Variants in CWH43 observed in about 807,000 individuals in gnomAD.
The protein encoded by CWH43 is PGAP2-interacting protein.
Under a neutral mutation model 85.7 loss-of-function variants are expected in CWH43, and 91 were observed. The ratio of observed to expected loss-of-function variants is 1.06; its 90% confidence interval spans 0.90 to 1.26. The LOEUF (loss-of-function observed/expected upper bound fraction) is 1.26. CWH43 is among the 50% of genes most tolerant of loss of function. CWH43 has a pLI of 0.00. For synonymous variants in CWH43, 323 were observed against 293.6 expected, an observed-to-expected ratio of 1.10 and a Z score of -1.02; for missense variants, 869 against 839.2, an observed-to-expected ratio of 1.04 and a Z score of -0.44.
rs577001644 is a variant in CWH43 at position 48,995,827 on chromosome 4, A to AT, written c.713+1013dup. ...CATCTGCCTTAGTGGAGTCCTCACC[A>AT]TTTTTTCATTCAGGCTATTACTGTT... On this transcript the variant is annotated intron_variant, in intron 5 of 15. Transcript: ENST00000226432. 3.7e-3 allele frequency among the ~76,000 whole-genome samples: 561 copies of AT among 151,946 alleles called. 12 individuals carry two copies. Among genetic ancestry groups the AT allele is most frequent in the Non-Finnish European group, 1.8e-3 (123 of 67,942 alleles).
chr4:49,008,788 T>C (rs1007250198), intron 8 of CWH43, among the ~76,000 whole-genome samples: 1 of 152,162 alleles, frequency 6.6e-6, no homozygotes, highest in Admixed American at 6.6e-5. Context: ...TGGTTGTAGA[T>C]GTGAGGTGTT....
chr4:48,987,696 C>T (rs772561403), intron 1 of CWH43, among the ~76,000 whole-genome samples: 1 of 152,128 alleles, frequency 6.6e-6, no homozygotes, highest in East Asian at 1.9e-4. Context: ...GTGCCCATAG[C>T]GTTAATTATC....
rs1782753460 is a variant in CWH43, at chr4:48,994,609, T to G, written c.512-10T>G. The stretch of plus-strand genomic sequence containing the variant: ...TAAACTTTTTCCATATATGTATTTT[T>G]AAATTCTAGATGGTGACTGCAGTAA... On this transcript the variant is annotated splice_polypyrimidine_tract_variant and intron_variant, in intron 4 of 15. Coordinates refer to ENST00000226432, the MANE Select transcript of CWH43 (RefSeq NM_025087.3). The G allele has an allele frequency of 6.2e-7, 1 of 1,603,932 alleles. No homozygotes were observed. Among genetic ancestry groups the G allele is most frequent in the Non-Finnish European group, 8.5e-7 (1 of 1,176,742 alleles).
At chr4:48,993,575 G>A (rs1473394436) in intron 4 of CWH43, among the ~76,000 whole-genome samples, 4 of 152,210 alleles carry the variant, frequency 2.6e-5, no homozygotes, top group African/African-American at 9.7e-5. Context: ...CTACGAAGAA[G>A]TCCTCCTGCT....
At chr4:49,040,000 G>GT (rs1216047550) in intron 13 of CWH43, among the ~76,000 whole-genome samples, 4 of 151,992 alleles carry the variant, frequency 2.6e-5, no homozygotes, top group East Asian at 1.9e-4. Flanking sequence ...GCGGTGTTTG[G>GT]TTTTTTCTCC....
At chr4:49,009,322 T>C (rs1046957956) in intron 8 of CWH43, among the ~76,000 whole-genome samples, 7 of 152,212 alleles carry the variant, frequency 4.6e-5, no homozygotes, top group Non-Finnish European at 1.0e-4. Flanking sequence ...TGCACACTGA[T>C]TTTGTATCCT....
At chr4:49,027,975 T>C (rs1443665949) in intron 9 of CWH43, among the ~76,000 whole-genome samples, 1 of 152,126 alleles carries the variant, frequency 6.6e-6, no homozygotes, top group African/African-American at 2.4e-5. Context: ...GCAAGGGTGT[T>C]ACATCATTCA....
chr4:49,047,877 A>G (rs1375868572), intron 14 of CWH43, among the ~76,000 whole-genome samples: 1 of 152,160 alleles, frequency 6.6e-6, no homozygotes, highest in Non-Finnish European at 1.5e-5. Flanking sequence ...GGCCCTTGAG[A>G]TGCTAAGATT....
At chr4:49,058,576 A>C (rs752353271) in intron 15 of CWH43, among the ~76,000 whole-genome samples, 2 of 152,192 alleles carry the variant, frequency 1.3e-5, no homozygotes, top group Non-Finnish European at 2.9e-5. Flanking sequence ...TTATACTTTC[A>C]TATGTGTTCA....
intron 15 of CWH43, among the ~76,000 whole-genome samples, chr4:49,053,936 G>T (rs1182948047): frequency 6.6e-6 from 1 of 152,104 alleles, no homozygotes; most frequent in Non-Finnish European, 1.5e-5. Context: ...TATATAGTTT[G>T]TAAATATATT....
intron 12 of CWH43, among the ~76,000 whole-genome samples, chr4:49,036,251 A>G (rs976573974): frequency 6.6e-6 from 1 of 152,190 alleles, no homozygotes; most frequent in African/African-American, 2.4e-5. Context: ...CAGAGAAGGA[A>G]GTCCAGGAGA....
chr4:49,020,605 C>G (rs1295079280), intron 9 of CWH43, among the ~76,000 whole-genome samples: 1 of 152,060 alleles, frequency 6.6e-6, no homozygotes, highest in Non-Finnish European at 1.5e-5. Context: ...AATTGTAGAT[C>G]TATTTTTAGT....
At chr4:49,021,459 A>C (rs1783748745) in intron 9 of CWH43, among the ~76,000 whole-genome samples, 1 of 151,852 alleles carries the variant, frequency 6.6e-6, no homozygotes, top group African/African-American at 2.4e-5. Context: ...CTAGGGCTTT[A>C]TAGTGTATTT....
intron 10 of CWH43, among the ~76,000 whole-genome samples, chr4:49,029,837 C>T (rs990805526): frequency 1.3e-5 from 2 of 152,200 alleles, no homozygotes; most frequent in African/African-American, 4.8e-5. Context: ...CCTTTGCTCA[C>T]GTTTTCCTGC....
chr4:49,031,003 G>A (rs551363833), intron 11 of CWH43, 43 bp downstream of exon 11: 2 of 1,525,500 alleles, frequency 1.3e-6, no homozygotes, highest in East Asian at 4.8e-5. Context: ...AGTCATGAAA[G>A]GCTAGGCTGC....
At chr4:48,988,783 C>G in intron 2 of CWH43, 115 bp downstream of exon 2, 2 of 671,354 alleles carry the variant, frequency 3.0e-6, no homozygotes, top group Admixed American at 3.5e-5. Context: ...AAAGATTTCT[C>G]TTTTCCTTAC....
intron 14 of CWH43, 31 bp from the exon 15 acceptor site, chr4:49,050,663 C>G: frequency 6.3e-7 from 1 of 1,577,356 alleles, no homozygotes; most frequent in Non-Finnish European, 8.6e-7. Flanking sequence ...AATAATAAAA[C>G]TGTTACAAAC....
intron 14 of CWH43, among the ~76,000 whole-genome samples, chr4:49,049,930 C>G (rs1784743320): frequency 6.6e-6 from 1 of 152,172 alleles, no homozygotes; most frequent in East Asian, 1.9e-4. Context: ...TTTAATGCAT[C>G]CTTCCCTACT....
At chr4:49,008,323 GT>G (rs911318121) in intron 8 of CWH43, among the ~76,000 whole-genome samples, 16 of 147,386 alleles carry the variant, frequency 1.1e-4, no homozygotes, top group South Asian at 2.2e-4. Context: ...GGAGTCGTTT[GT>G]TTTTTTTTTC....
Sources: gnomAD v4.1 joint callset for allele counts (sites outside exome capture counted in the v4.1 genomes callset) on GRCh38, gnomAD v4.1.1 for gene constraint, MANE v1.5 for transcripts, NCBI Gene and HGNC (gene_info 2026-07-23, HGNC 2026-07-21) for gene names.